Variants in CREB3 observed in about 807,000 individuals in gnomAD.
CREB3 encodes the protein cyclic AMP-responsive element-binding protein 3.
In CREB3, 29 loss-of-function variants were observed where a neutral mutation model predicts 34.5. That is an observed-to-expected ratio of 0.84 (90% confidence interval 0.63 to 1.15). The LOEUF (loss-of-function observed/expected upper bound fraction) is 1.15, where lower values mean the gene tolerates loss of function less well. Among genes scored for constraint, CREB3 ranks in the 50% most tolerant of loss-of-function variants. The pLI is 0.00. For missense variants in CREB3, 447 were observed against 443.4 expected (o/e 1.01, Z -0.07); for synonymous variants, 187 against 173.9 (o/e 1.08, Z -0.59).
intron 4 of CREB3, 139 bp downstream of exon 4, chr9:35,733,624 G>A: frequency 1.5e-6 from 1 of 650,642 alleles, no homozygotes; most frequent in Non-Finnish European, 2.7e-6. Flanking sequence ...ATAGGAAGTT[G>A]AGGCAGGTAC....
Position 35,736,063 on chromosome 9 carries a change from A to C in CREB3, c.627A>C (p.Gln209His), listed in dbSNP as rs1013889769. ...CTTCCTCTAGGTCCCTTCTAGATCA[A>C]CTGAGGAAACTCCAGGCCATGGTGA... ...LEEQNLSLLD[Q>H]LRKLQAMVIE... The change falls in exon 7 of 9, where the codon CAA (glutamine) becomes CAC (histidine). Residue 209 changes from glutamine (Q) to histidine (H), a missense_variant. Coordinates refer to ENST00000353704, the MANE Select transcript of CREB3 (RefSeq NM_006368.5). 1.9e-6 allele frequency: 3 copies of C among 1,613,942 alleles called. No homozygotes were observed. Among genetic ancestry groups the C allele is most frequent in the Non-Finnish European group, 2.5e-6 (3 of 1,179,840 alleles).
In CREB3 at chr9:35,733,025, G is replaced by A; in HGVS notation, c.159G>A (p.Leu53=). 6.2e-7 allele frequency: 1 copy of A among 1,614,210 alleles called. No homozygotes were observed. The highest frequency in any genetic ancestry group is 8.5e-7 in the Non-Finnish European group (1 of 1,180,034). Residue 53 remains leucine, a synonymous_variant, in exon 2 of 9, where the codon TTG becomes TTA. Transcript: ENST00000353704. The stretch of plus-strand genomic sequence containing the variant: ...CGAGCGACTGGGAAGTAGATGATTT[G>A]CTGTGCTCCCTGCTGAGTCCCCCAG... ...EVPSDWEVDD[L]LCSLLSPPAS...
chr9:35,734,193 G>C (rs1248610744), intron 4 of CREB3, among the ~76,000 whole-genome samples: 1 of 152,008 alleles, frequency 6.6e-6, no homozygotes, highest in Non-Finnish European at 1.5e-5. Flanking sequence ...TGCCAGGCTG[G>C]TCTCGAACTC....
Position 35,736,860 on chromosome 9 carries a change from A to G in CREB3, c.*134A>G. ...ACGACTGAGGGCTCAAACACACCAC[A>G]CTTAATGGCTTTCTGGGTCTTTTAT... On this transcript the variant is annotated 3_prime_UTR_variant, in exon 9 of 9. Coordinates refer to ENST00000353704, the MANE Select transcript of CREB3 (RefSeq NM_006368.5). 1.2e-6 allele frequency: 1 copy of G among 841,910 alleles called. No individual in the cohort carries two copies. The highest frequency in any genetic ancestry group is 1.8e-6 in the Non-Finnish European group (1 of 542,192). 52.2% of individuals were successfully genotyped at this position (841,910 alleles called of 1,614,324 possible). A position where few individuals can be genotyped will look rare whatever the true frequency, so the allele number is the denominator to read the frequency against.
Position 35,732,688 on chromosome 9 carries a change from CCCG to C in CREB3, c.-84_-82del, listed in dbSNP as rs1382604203. Reference sequence around the variant, plus strand: ...GCCGTAGAGGGACAGTGGATAGGTGCCCGAGGCCTACAGCTGGCCTGGGGCTCG... The same window carrying C: ...GCCGTAGAGGGACAGTGGATAGGTGCAGGCCTACAGCTGGCCTGGGGCTCG... On this transcript the variant is annotated 5_prime_UTR_variant, in exon 1 of 9. Transcript: ENST00000353704. The surrounding 1 kb of genome is among the most constrained non-coding windows in gnomAD (Gnocchi z 5.1). 2 of 1,529,698 alleles carry C rather than the reference CCCG, an allele frequency of 1.3e-6. No individual in the cohort carries two copies. The highest frequency in any genetic ancestry group is 1.4e-5 in the African/African-American group (1 of 72,264). The allele number at this position is 1,529,698 out of a possible 1,614,324, so 94.8% of individuals were successfully genotyped here. A position where few individuals can be genotyped will look rare whatever the true frequency, so the allele number is the denominator to read the frequency against.
rs778285696 is a variant in CREB3 at position 35,735,067 on chromosome 9, T to C, written c.436-42T>C. ...TCAGTTGCGTTTCAACTCCTTTTTC[T>C]AGAGTTCCTCTAATGATATCCCTTT... is the stretch of plus-strand genomic sequence containing the variant. On this transcript the variant is annotated intron_variant, in intron 4 of 8. Transcript: ENST00000353704. 7.8e-6 allele frequency: 12 copies of C among 1,534,174 alleles called. No homozygotes were observed. In the East Asian group the frequency reaches 2.5e-4, roughly 32 times the overall value.
rs1454982190 is a variant in CREB3 at position 35,736,777 on chromosome 9, T to C, written c.*51T>C. 3 of 1,509,668 alleles carry C rather than the reference T, an allele frequency of 2.0e-6. No individual in the cohort carries two copies. Among genetic ancestry groups the C allele is most frequent in the Non-Finnish European group, 2.7e-6 (3 of 1,117,292 alleles). The allele number at this position is 1,509,668 out of a possible 1,614,324, so 93.5% of individuals were successfully genotyped here. The stretch of plus-strand genomic sequence containing the variant: ...GCAGGAGCCTGGGGGGCTCCCCATC[T>C]GTGTCCAAATAAAAAGCGGTGGGCA... On this transcript the variant is annotated 3_prime_UTR_variant, in exon 9 of 9. Coordinates refer to ENST00000353704, the MANE Select transcript of CREB3 (RefSeq NM_006368.5).
Position 35,736,760 on chromosome 9 carries a change from C to A in CREB3, c.*34C>A. On this transcript the variant is annotated 3_prime_UTR_variant, in exon 9 of 9. Transcript: ENST00000353704. ...ATATGTGGGGGGTCTCAGCAGGAGC[C>A]TGGGGGGCTCCCCATCTGTGTCCAA... is the stretch of plus-strand genomic sequence containing the variant. 6.4e-7 allele frequency: 1 copy of A among 1,555,046 alleles called. No homozygotes were observed.
chr9:35,733,525 TAA>T, intron 4 of CREB3, 40 bp downstream of exon 4: 1 of 1,474,810 alleles, frequency 6.8e-7, no homozygotes, highest in Non-Finnish European at 9.5e-7. Context: ...GAAAAGGGAT[TAA>T]AAGTCCCAAG....
At position 35,736,324 on chromosome 9, in the gene CREB3, A is replaced by G. The variant is rs1473879654; in HGVS notation, c.781+13A>G. ...GCTGAGCATGGAGGTAAGAGGCTTA[A>G]GGATAGCTCTCAGACAGGGCAAGGG... On this transcript the variant is annotated intron_variant, in intron 8 of 8. Coordinates refer to ENST00000353704, the MANE Select transcript of CREB3 (RefSeq NM_006368.5). 1.9e-6 allele frequency: 3 copies of G among 1,613,868 alleles called. No individual in the cohort carries two copies. In the African/African-American group the frequency reaches 4.0e-5, roughly 22 times the overall value.
Position 35,736,933 on chromosome 9 carries a change from C to A in CREB3, c.*207C>A. 4.0e-6 allele frequency: 3 copies of A among 744,114 alleles called. No individual in the cohort carries two copies. Among genetic ancestry groups the A allele is most frequent in the Non-Finnish European group, 6.4e-6 (3 of 467,288 alleles). 46.1% of individuals were successfully genotyped at this position (744,114 alleles called of 1,614,324 possible). On this transcript the variant is annotated 3_prime_UTR_variant, in exon 9 of 9. Transcript: ENST00000353704. Reference sequence around the variant, plus strand: ...CCATGAATGTACCTGGGGAAATCAACTGACCTCCCTGAACATTTCACGCAG... The same window carrying A: ...CCATGAATGTACCTGGGGAAATCAAATGACCTCCCTGAACATTTCACGCAG...
At position 35,733,274 on chromosome 9, in the gene CREB3, G is replaced by T; in HGVS notation, c.337G>T (p.Ala113Ser). 6.2e-7 allele frequency: 1 copy of T among 1,614,206 alleles called. No individual in the cohort carries two copies. Among genetic ancestry groups the T allele is most frequent in the Non-Finnish European group, 8.5e-7 (1 of 1,180,036 alleles). The change falls in exon 3 of 9, where the codon GCA becomes TCA. Residue 113 changes from alanine to serine, a missense_variant. Ala to Ser is a moderately conservative substitution (Grantham distance 99, BLOSUM62 1). Coordinates refer to ENST00000353704, the MANE Select transcript of CREB3 (RefSeq NM_006368.5). ...GACTCCACAGCATATGGAGGAGCTG[G>T]CAGAGCAGGTACTTGACTTGATTTT... ...QMTPQHMEELAEQEIARLVLT... is the reference protein window; with the variant it reads ...QMTPQHMEELSEQEIARLVLT...
In CREB3 at chr9:35,733,037, G is replaced by A. The variant is rs1826120415; in HGVS notation, c.171G>A (p.Leu57=). The A allele has an allele frequency of 6.2e-7, 1 of 1,614,230 alleles. No homozygotes were observed. The change falls in exon 2 of 9, where the codon CTG becomes CTA. Residue 57 remains leucine (L), a synonymous_variant. Coordinates refer to ENST00000353704, the MANE Select transcript of CREB3 (RefSeq NM_006368.5). ...AAGTAGATGATTTGCTGTGCTCCCT[G>A]CTGAGTCCCCCAGCGTCGTTGAACA... The part of the protein sequence containing the change: ...DWEVDDLLCS[L]LSPPASLNIL...
chr9:35,735,531 A>G (rs1402955654), intron 6 of CREB3, among the ~76,000 whole-genome samples, 157 bp downstream of exon 6: 1 of 152,244 alleles, frequency 6.6e-6, no homozygotes, highest in Non-Finnish European at 1.5e-5. Flanking sequence ...TTTACAAGTA[A>G]CTAAGAATAA....
At position 35,735,110 on chromosome 9, in the gene CREB3, C is replaced by T; in HGVS notation, c.437C>T (p.Thr146Ile). ...ILPETLPLTK[T>I]EEQILKRVRR... ...ATCCCTTTCCCTGTTTCCTTTCAGA[C>T]AGAGGAACAAATTCTGAAACGTGTG... The change falls in exon 5 of 9, where the codon ACA becomes ATA. Residue 146 changes from threonine to isoleucine, a missense_variant and splice_region_variant. Coordinates refer to ENST00000353704, the MANE Select transcript of CREB3 (RefSeq NM_006368.5). The T allele has an allele frequency of 6.3e-7, 1 of 1,598,534 alleles. No homozygotes were observed. The highest frequency in any genetic ancestry group is 8.5e-7 in the Non-Finnish European group (1 of 1,175,992).
intron 6 of CREB3, 29 bp downstream of exon 6, chr9:35,735,403 C>T (rs1587997981): frequency 6.3e-7 from 1 of 1,578,120 alleles, no homozygotes; most frequent in Non-Finnish European, 8.7e-7. Context: ...CATTCCCTTC[C>T]TATGCCCCTC....
Position 35,735,394 on chromosome 9 carries a change from A to G in CREB3, c.611+20A>G, listed in dbSNP as rs942045996. The G allele has an allele frequency of 6.2e-7, 1 of 1,600,356 alleles. No individual in the cohort carries two copies. Among genetic ancestry groups the G allele is most frequent in the Admixed American group, 1.7e-5 (1 of 60,004 alleles). ...GAATTTGTAAGTATCCCTCCAAACC[A>G]TTCCCTTCCTATGCCCCTCATTTAA... On this transcript the variant is annotated intron_variant, in intron 6 of 8. Transcript: ENST00000353704.
rs753178405 is a variant in CREB3 at position 35,736,613 on chromosome 9, G to C, written c.1003G>C (p.Glu335Gln). The C allele has an allele frequency of 6.2e-7, 1 of 1,613,942 alleles. No individual in the cohort carries two copies. The highest frequency in any genetic ancestry group is 1.1e-5 in the South Asian group (1 of 91,086). ...LEWPFPDLFS[E>Q]PLCRGPILPL... ...GTGGCCATTCCCTGACCTCTTCTCA[G>C]AGCCTCTCTGCCGAGGTCCCATCCT... Residue 335 changes from glutamate to glutamine, a missense_variant, in exon 9 of 9, where the codon GAG (glutamate) becomes CAG (glutamine). Transcript: ENST00000353704.
Position 35,733,458 on chromosome 9 carries a change from T to A in CREB3, c.408T>A (p.Ile136=), listed in dbSNP as rs2131922020. 1 of 1,613,478 alleles carries A rather than the reference T, an allele frequency of 6.2e-7. No homozygotes were observed. Among genetic ancestry groups the A allele is most frequent in the East Asian group, 2.2e-5 (1 of 44,882 alleles). Residue 136 remains isoleucine (I), a synonymous_variant, in exon 4 of 9, where the codon ATT becomes ATA. Coordinates refer to ENST00000353704, the MANE Select transcript of CREB3 (RefSeq NM_006368.5). ...EKSLLEKEGL[I]LPETLPLTKT... ...GTCTATTGGAGAAGGAGGGGCTTATTCTGCCTGAGACACTTCCTCTCACTA... is the reference window on the plus strand; with the variant it reads ...GTCTATTGGAGAAGGAGGGGCTTATACTGCCTGAGACACTTCCTCTCACTA...
Sources: gnomAD v4.1 joint callset for allele counts (sites outside exome capture counted in the v4.1 genomes callset) on GRCh38, gnomAD v4.1.1 for gene constraint, Gnocchi (gnomAD v3.1) non-coding constraint, MANE v1.5 for transcripts, NCBI Gene and HGNC (gene_info 2026-07-23, HGNC 2026-07-21) for gene names.